The following ABCA1 variants were observed in gnomAD, a reference collection of about 807,000 sequenced individuals.
The protein encoded by ABCA1 is ATP binding cassette subfamily A member 1.
ABCA1 carries 133 observed loss-of-function variants against 262.5 expected under a neutral mutation model. The ratio of observed to expected loss-of-function variants is 0.51; its 90% CI spans 0.44 to 0.59. The LOEUF (loss-of-function observed/expected upper bound fraction) is 0.59. ABCA1 is among the 20% of genes least tolerant of loss of function. ABCA1 has a pLI of 0.00. For synonymous variants in ABCA1, 1,022 were observed against 1,043.5 expected, an observed-to-expected ratio of 0.98 and a Z score of 0.40; for missense variants, 2,452 against 2,777.5, an observed-to-expected ratio of 0.88 and a Z score of 2.63.
intron 8 of ABCA1, among the ~76,000 whole-genome samples, chr9:104,845,138 G>C (rs1834748040): frequency 6.6e-6 from 1 of 152,154 alleles, no homozygotes; most frequent in South Asian, 2.1e-4. Context: ...AGAAATTGCT[G>C]GTCAGACAAA....
At chr9:104,916,742 C>T (rs188945031) in intron 1 of ABCA1, among the ~76,000 whole-genome samples, 20 of 152,284 alleles carry the variant, frequency 1.3e-4, no homozygotes, top group Admixed American at 7.8e-4. Context: ...GGCAGTGGCA[C>T]GATCTGGGCT....
chr9:104,875,351 CAAAAAAAAAAAAA>C (rs749025515), intron 5 of ABCA1, among the ~76,000 whole-genome samples: 1 of 63,994 alleles, frequency 1.6e-5, no homozygotes, highest in African/African-American at 5.9e-5. Context: ...GACTCCATCT[CAAAAAAAAAAAAA>C]AAAAAGAAAG....
chr9:104,791,611 G>A (rs1443473766), intron 43 of ABCA1, among the ~76,000 whole-genome samples: 1 of 152,146 alleles, frequency 6.6e-6, no homozygotes, highest in Non-Finnish European at 1.5e-5. Flanking sequence ...ATTTATAGTA[G>A]AGATGGGGTT....
At chr9:104,902,568 T>C (rs551443526) in intron 2 of ABCA1, among the ~76,000 whole-genome samples, 21 of 152,362 alleles carry the variant, frequency 1.4e-4, no homozygotes, top group African/African-American at 4.8e-4. Flanking sequence ...TTTGTAAATA[T>C]GTATGGGTCA....
chr9:104,848,721 T>C (rs1835117458), intron 7 of ABCA1, among the ~76,000 whole-genome samples: 1 of 151,772 alleles, frequency 6.6e-6, no homozygotes, highest in Admixed American at 6.6e-5. Flanking sequence ...AGCACTGAGG[T>C]TTGAGAACCA....
intron 7 of ABCA1, among the ~76,000 whole-genome samples, chr9:104,853,589 A>G (rs1314521965): frequency 6.6e-6 from 1 of 152,254 alleles, no homozygotes; most frequent in Non-Finnish European, 1.5e-5. Context: ...TTCAGTGCCT[A>G]GAACAGTGCT....
At chr9:104,892,352 T>C (rs1012215241) in intron 2 of ABCA1, among the ~76,000 whole-genome samples, 1 of 145,854 alleles carries the variant, frequency 6.9e-6, no homozygotes, top group African/African-American at 2.6e-5. Context: ...GATATACATA[T>C]ATATCACATT....
At chr9:104,916,817 T>G (rs1170495022) in intron 1 of ABCA1, among the ~76,000 whole-genome samples, 1 of 152,192 alleles carries the variant, frequency 6.6e-6, no homozygotes, top group Non-Finnish European at 1.5e-5. Context: ...AGTGCTGTGA[T>G]TACAGGTGTG....
chr9:104,894,950 T>C (rs1840067903), intron 2 of ABCA1, among the ~76,000 whole-genome samples: 1 of 152,258 alleles, frequency 6.6e-6, no homozygotes, highest in South Asian at 2.1e-4. Flanking sequence ...CTTTTCATAA[T>C]AGCCTCCCTC....
chr9:104,804,516 A>C, intron 32 of ABCA1, 110 bp downstream of exon 32: 1 of 886,248 alleles, frequency 1.1e-6, no homozygotes, highest in Non-Finnish European at 1.9e-6. Flanking sequence ...AATAGACAGA[A>C]TCAGGCCATA....
intron 6 of ABCA1, among the ~76,000 whole-genome samples, chr9:104,860,775 G>A (rs1423839288): frequency 4.0e-5 from 1 of 25,054 alleles, no homozygotes; most frequent in African/African-American, 2.3e-4. Context: ...TTTTTTTTTT[G>A]AGATGGAGTC....
chr9:104,803,782 T>C (rs914243377), intron 32 of ABCA1, among the ~76,000 whole-genome samples: 2 of 152,078 alleles, frequency 1.3e-5, no homozygotes, highest in Admixed American at 6.5e-5. Context: ...TTATTTTGTA[T>C]TTTTAGTAGA....
chr9:104,922,783 C>T (rs1369351741), intron 1 of ABCA1, among the ~76,000 whole-genome samples: 1 of 152,170 alleles, frequency 6.6e-6, no homozygotes, highest in African/African-American at 2.4e-5. Flanking sequence ...ACGATCTCGA[C>T]TCAGTGCAAC....
At position 104,809,581 on chromosome 9, in the gene ABCA1, G is replaced by A. The variant is rs1358993991; in HGVS notation, c.4176-17C>T. On this transcript the variant is annotated splice_polypyrimidine_tract_variant and intron_variant, in intron 29 of 49. Coordinates refer to ENST00000374736, the MANE Select transcript of ABCA1 (RefSeq NM_005502.4). ...GCATCATTGCTGTGGGTACATGAGA[G>A]GCAGCCAGCTTAGTAATTCATTAAA... 3.1e-6 allele frequency: 5 copies of A among 1,603,044 alleles called. No homozygotes were observed. In the African/African-American group the frequency reaches 6.7e-5, roughly 21 times the overall value.
At chr9:104,785,754 G>T (rs752263275) in intron 48 of ABCA1, 115 bp from the exon 49 acceptor site, 8 of 1,273,346 alleles carry the variant, frequency 6.3e-6, no homozygotes, top group African/African-American at 1.5e-5. Context: ...GGCAGGCCCA[G>T]AAATAAGTTT....
intron 43 of ABCA1, among the ~76,000 whole-genome samples, chr9:104,791,503 G>GACTCACT (rs112654966): frequency 6.6e-6 from 1 of 151,644 alleles, no homozygotes; most frequent in African/African-American, 2.4e-5. Flanking sequence ...GCGCAATCTG[G>GACTCACT]GCAACCTCCC....
chr9:104,882,826 G>T (rs1355939148), intron 5 of ABCA1, among the ~76,000 whole-genome samples: 3 of 152,182 alleles, frequency 2.0e-5, no homozygotes, highest in Non-Finnish European at 2.9e-5. Flanking sequence ...TGTCTTCCCA[G>T]AGAAGATTAG....
chr9:104,831,074 G>C lies in ABCA1; in HGVS notation c.1743C>G (p.Asp581Glu). 1 of 1,611,830 alleles carries C rather than the reference G, an allele frequency of 6.2e-7. No individual in the cohort carries two copies. Among genetic ancestry groups the C allele is most frequent in the Non-Finnish European group, 8.5e-7 (1 of 1,179,740 alleles). Residue 581 changes from aspartate to glutamate, a missense_variant, in exon 14 of 50, where the codon GAC (aspartate) becomes GAG (glutamate). This residue lies in a region of ABCA1 where 1,032 missense variants were observed against 1,089.7 expected (regional missense o/e 0.95). Coordinates refer to ENST00000374736, the MANE Select transcript of ABCA1 (RefSeq NM_005502.4). ...DGYWDPGPRA[D>E]PFEDMRYVWG... ...AGACGTACCGCATGTCCTCAAAGGG[G>C]TCAGCTCGAGGACCAGGGTCCCAGT...
Position 104,912,857 on chromosome 9 carries a change from A to C in ABCA1, c.-92-9086T>G, listed in dbSNP as rs573188730. The stretch of plus-strand genomic sequence containing the variant: ...AATTTTTTTCAGTCACAATCATAAC[A>C]CCAGAATAAAAGGGATCTGAAGGGA... On this transcript the variant is annotated intron_variant, in intron 1 of 49. Transcript: ENST00000374736. Among the ~76,000 whole-genome samples, 9 of 152,278 alleles carry C rather than the reference A, an allele frequency of 5.9e-5. No homozygotes were observed. In the East Asian group the frequency reaches 1.7e-3, roughly 29 times the overall value.
Sources: allele counts gnomAD v4.1 joint callset (sites outside exome capture counted in the v4.1 genomes callset), GRCh38; gene constraint gnomAD v4.1.1; regional missense constraint gnomAD v4.1.1; transcripts MANE v1.5; gene names NCBI Gene and HGNC (gene_info 2026-07-23, HGNC 2026-07-21).